ZNF33B: variants seen among roughly 807,000 people sequenced by gnomAD.
ZNF33B encodes zinc finger protein 33B, also known as zinc finger protein 11b (KOX 2).
Under a neutral mutation model 45.8 loss-of-function variants are expected in ZNF33B, and 29 were observed. The ratio of observed to expected loss-of-function variants is 0.63; its 90% confidence interval spans 0.47 to 0.86. The LOEUF (loss-of-function observed/expected upper bound fraction) is 0.86. ZNF33B is among the 40% of genes least tolerant of loss of function. ZNF33B has a pLI of 0.00. For missense variants in ZNF33B, 831 were observed against 909.9 expected (o/e 0.91, Z 1.12); for synonymous variants, 305 against 307.8 (o/e 0.99, Z 0.10).
chr10:42,593,126 G>A lies in ZNF33B; in HGVS notation c.1824C>T (p.Pro608=). The A allele has an allele frequency of 7.4e-6, 12 of 1,613,176 alleles. No homozygotes were observed. The highest frequency in any genetic ancestry group is 1.0e-5 in the Non-Finnish European group (12 of 1,179,818). ...KHNRTHTGEK[P]YECNECGKTF... is the part of the protein sequence containing the mutation. Reference sequence around the variant, plus strand: ...TTTTTCCACATTCATTACATTCATAGGGTTTCTCCCCTGTATGTGTTCTAT... The same window carrying A: ...TTTTTCCACATTCATTACATTCATAAGGTTTCTCCCCTGTATGTGTTCTAT... The change falls in exon 5 of 5, where the codon CCC becomes CCT. Residue 608 remains proline, a synonymous_variant. Transcript: ENST00000359467.
chr10:42,582,451 G>A (rs1234979809), intron 1 of ZNF33B: 1 of 152,318 alleles, frequency 6.6e-6, no homozygotes, highest in Admixed American at 6.5e-5. Flanking sequence ...AAGCCTTTGT[G>A]AGACCTAAAG....
intron 1 of ZNF33B, chr10:42,579,840 T>C (rs7921658): frequency 0.11 from 16,265 of 154,436 alleles, 1,023 homozygotes; most frequent in African/African-American, 0.16. Flanking sequence ...AAATCGGCAG[T>C]CTGGAGTCTA....
At chr10:42,603,134 C>T (rs1402438392) in intron 4 of ZNF33B, among the ~76,000 whole-genome samples, 2 of 152,198 alleles carry the variant, frequency 1.3e-5, no homozygotes, top group Admixed American at 1.3e-4. Flanking sequence ...CCAGAGACTA[C>T]TGCCCCAATC....
chr10:42,580,362 T>G (rs1446193212), intron 1 of ZNF33B, among the ~76,000 whole-genome samples: 1 of 151,958 alleles, frequency 6.6e-6, no homozygotes, highest in African/African-American at 2.4e-5. Context: ...TCCCCTACCC[T>G]CCCAAGTAGC....
intron 4 of ZNF33B, among the ~76,000 whole-genome samples, chr10:42,610,234 G>C (rs1838044097): frequency 6.6e-6 from 1 of 152,158 alleles, no homozygotes; most frequent in South Asian, 2.1e-4. Context: ...AATCATAAAT[G>C]AAATTTTAAA....
At chr10:42,584,712 G>C (rs373396939), downstream of ZNF33B, among the ~76,000 whole-genome samples, 1 of 152,106 alleles carries the variant, frequency 6.6e-6, no homozygotes, top group Non-Finnish European at 1.5e-5. Flanking sequence ...GTAGAGACAG[G>C]GTTTTACCAT....
In ZNF33B at chr10:42,594,496, C is replaced by T. The variant is rs1589026575; in HGVS notation, c.454G>A (p.Val152Ile). 1 of 1,612,946 alleles carries T rather than the reference C, an allele frequency of 6.2e-7. No homozygotes were observed. The change falls in exon 5 of 5, where the codon GTT (valine) becomes ATT (isoleucine). Residue 152 changes from valine (V) to isoleucine (I), a missense_variant. By Grantham distance (29) the Val-to-Ile change is conservative. Coordinates refer to ENST00000359467, the MANE Select transcript of ZNF33B (RefSeq NM_006955.3). Reference protein sequence around the residue: ...YDSRGMSFNTVSELVISKINY... With the variant: ...YDSRGMSFNTISELVISKINY... Reference sequence around the variant, plus strand: ...ATCTTACTGATAACCAATTCTGAAACAGTGTTGAAACTCATTCCACGTGAG... The same window carrying T: ...ATCTTACTGATAACCAATTCTGAAATAGTGTTGAAACTCATTCCACGTGAG...
intron 1 of ZNF33B, 99 bp downstream of exon 1, chr10:42,638,368 AGGTCCCC>A: frequency 3.2e-6 from 1 of 316,450 alleles, no homozygotes; most frequent in Admixed American, 4.1e-5. Flanking sequence ...CTTCTCCGTG[AGGTCCCC>A]GGGACTCCTC....
intron 4 of ZNF33B, among the ~76,000 whole-genome samples, chr10:42,618,746 G>C (rs908735523): frequency 6.6e-6 from 1 of 152,014 alleles, no homozygotes; most frequent in African/African-American, 2.4e-5. Flanking sequence ...AATTATGGGC[G>C]TTTCTGCGAA....
intron 1 of ZNF33B, chr10:42,583,158 G>A (rs765851883): frequency 1.3e-6 from 1 of 788,788 alleles, no homozygotes; most frequent in Non-Finnish European, 2.2e-6. Flanking sequence ...AACAATATTT[G>A]AAAATGTCTG....
At chr10:42,615,798 G>A (rs1254047587) in intron 4 of ZNF33B, among the ~76,000 whole-genome samples, 13 of 151,986 alleles carry the variant, frequency 8.6e-5, no homozygotes, top group African/African-American at 2.9e-4. Flanking sequence ...AGTGGTGCAT[G>A]CCTGCAATCC....
downstream of ZNF33B, among the ~76,000 whole-genome samples, chr10:42,585,264 C>T (rs1280099975): frequency 6.6e-6 from 1 of 152,204 alleles, no homozygotes; most frequent in African/African-American, 2.4e-5. Context: ...TTGCTGAATC[C>T]TAAGGAGCCA....
chr10:42,581,020 G>C (rs1328936780), intron 1 of ZNF33B, among the ~76,000 whole-genome samples: 1 of 152,124 alleles, frequency 6.6e-6, no homozygotes. Context: ...CTAAGTAAAA[G>C]GGACTCTGTT....
chr10:42,587,110 G>C (rs146930415), downstream of ZNF33B, among the ~76,000 whole-genome samples: 282 of 152,286 alleles, frequency 1.9e-3, 2 homozygotes, highest in African/African-American at 6.3e-3. Flanking sequence ...AATCATTCAT[G>C]AGGTGGAGTT....
Position 42,590,081 on chromosome 10 carries a change from C to G in ZNF33B, c.*2532G>C, listed in dbSNP as rs1837051356. 1 of 152,186 alleles carries G rather than the reference C, an allele frequency of 6.6e-6. No homozygotes were observed. Among genetic ancestry groups the G allele is most frequent in the Non-Finnish European group, 1.5e-5 (1 of 68,034 alleles). The allele number at this position is 152,186 out of a possible 1,614,324, so 9.4% of individuals were successfully genotyped here. ...TTAATCTTTGAACTGCTAATGCATGCAATGGATTGCACTGAATATCAAATG... is the reference window on the plus strand; with the variant it reads ...TTAATCTTTGAACTGCTAATGCATGGAATGGATTGCACTGAATATCAAATG... On this transcript the variant is annotated 3_prime_UTR_variant, in exon 5 of 5. Coordinates refer to ENST00000359467, the MANE Select transcript of ZNF33B (RefSeq NM_006955.3).
In ZNF33B at chr10:42,614,846, CA is replaced by C. The variant is rs1273705465; in HGVS notation, c.250+17082del. Reference sequence around the variant, plus strand: ...GTGGGCACCTGTAATCCCAGCTACTCAGGAGGCTGAGGCAGAGAATTGCTTG... The same window carrying C: ...GTGGGCACCTGTAATCCCAGCTACTCGGAGGCTGAGGCAGAGAATTGCTTG... On this transcript the variant is annotated intron_variant, in intron 4 of 4. Transcript: ENST00000359467. Among the ~76,000 whole-genome samples the C allele has an allele frequency of 2.0e-4, 30 of 151,798 alleles. 1 individual carries two copies. The highest frequency in any genetic ancestry group is 1.3e-4 in the Admixed American group (2 of 15,218).
chr10:42,638,225 G>A (rs1839425627), intron 1 of ZNF33B, among the ~76,000 whole-genome samples: 1 of 152,266 alleles, frequency 6.6e-6, no homozygotes, highest in Admixed American at 6.5e-5. Context: ...GACCGCGCAA[G>A]CGCACATGCC....
intron 4 of ZNF33B, among the ~76,000 whole-genome samples, chr10:42,616,178 A>G (rs563507761): frequency 1.3e-4 from 20 of 152,066 alleles, no homozygotes; most frequent in Non-Finnish European, 2.9e-5. Flanking sequence ...GGTTGCAGTG[A>G]GCTGAGACCA....
chr10:42,619,951 A>G (rs1265949015), intron 4 of ZNF33B, among the ~76,000 whole-genome samples: 2 of 152,148 alleles, frequency 1.3e-5, no homozygotes, highest in East Asian at 1.9e-4. Context: ...TGGTCGGCTC[A>G]TGCCTGTAAT....
Sources: gnomAD v4.1 joint callset for allele counts (sites outside exome capture counted in the v4.1 genomes callset) on GRCh38, gnomAD v4.1.1 for gene constraint, MANE v1.5 for transcripts, NCBI Gene and HGNC (gene_info 2026-07-23, HGNC 2026-07-21) for gene names.